Variants in VPS41 observed in about 807,000 individuals in gnomAD.
The protein encoded by VPS41 is vacuolar protein sorting-associated protein 41 homolog.
A neutral mutation model predicts 130.9 loss-of-function variants in VPS41; 85 were observed. The ratio of observed to expected loss-of-function variants is 0.65; its 90% CI spans 0.55 to 0.78. The LOEUF is 0.78. Ranked by LOEUF, VPS41 falls within the 30% of genes least tolerant of loss-of-function variation. The probability of loss-of-function intolerance (pLI) is 0.00; values close to 1 mark genes in which losing one functional copy is unlikely to be tolerated. For missense variants in VPS41, 874 were observed against 1,018.7 expected (o/e 0.86, Z 1.93); for synonymous variants, 335 against 332.9 (o/e 1.01, Z -0.07).
intron 9 of VPS41, among the ~76,000 whole-genome samples, chr7:38,794,175 G>T (rs1337268463): frequency 6.6e-6 from 1 of 152,092 alleles, no homozygotes; most frequent in Non-Finnish European, 1.5e-5. Context: ...CCATTTAAGG[G>T]ATTTTTAAAA....
At chr7:38,897,194 C>CAAAAAAA (rs60717646) in intron 2 of VPS41, among the ~76,000 whole-genome samples, 1 of 116,140 alleles carries the variant, frequency 8.6e-6, no homozygotes, top group Non-Finnish European at 1.7e-5. Flanking sequence ...AACTCTGTCT[C>CAAAAAAA]AAAAAAAAAA....
At chr7:38,764,366 C>A (rs1031096588) in intron 16 of VPS41, among the ~76,000 whole-genome samples, 1 of 151,974 alleles carries the variant, frequency 6.6e-6, no homozygotes, top group African/African-American at 2.4e-5. Flanking sequence ...CCCAGAGATG[C>A]GAGATGGCGT....
intron 7 of VPS41, among the ~76,000 whole-genome samples, chr7:38,809,784 CCA>C (rs2116057121): frequency 6.6e-6 from 1 of 152,256 alleles, no homozygotes; most frequent in Non-Finnish European, 1.5e-5. Context: ...AAAATGAACT[CCA>C]CTGCAAACAG....
Position 38,869,152 on chromosome 7 carries a change from A to T in VPS41, c.162T>A (p.His54Gln). The change falls in exon 3 of 29, where the codon CAT becomes CAA. Residue 54 changes from histidine (H) to glutamine (Q), a missense_variant. By Grantham distance (24) the His-to-Gln change is conservative. Transcript: ENST00000310301. ...QKDAASCMTV[H>Q]DKFLALGTHY... is the part of the protein sequence containing the mutation. ...TCTGAAAGTGCTATCTTACCTTGTC[A>T]TGGACTGTCATGCAGCTAGCTGCAT... is the stretch of plus-strand genomic sequence containing the variant. 1 of 1,580,460 alleles carries T rather than the reference A, an allele frequency of 6.3e-7. No homozygotes were observed. Among genetic ancestry groups the T allele is most frequent in the Admixed American group, 1.8e-5 (1 of 55,682 alleles).
At chr7:38,731,793 A>C (rs983692774) in intron 25 of VPS41, among the ~76,000 whole-genome samples, 25 of 148,260 alleles carry the variant, frequency 1.7e-4, no homozygotes, top group Admixed American at 6.8e-5. Context: ...TTAAAAAAAA[A>C]CTGAAAACAA....
intron 4 of VPS41, 24 bp downstream of exon 4, chr7:38,862,521 C>A: frequency 2.1e-6 from 3 of 1,415,146 alleles, no homozygotes; most frequent in African/African-American, 1.4e-5. Flanking sequence ...TTAGCTCATA[C>A]ATTATTTTAT....
intron 10 of VPS41, among the ~76,000 whole-genome samples, chr7:38,777,022 TAGC>T (rs1784272632): frequency 6.6e-6 from 1 of 152,186 alleles, no homozygotes. Context: ...CCAACAATAA[TAGC>T]AGCATGAATG....
intron 27 of VPS41, 129 bp downstream of exon 27, chr7:38,728,413 C>T: frequency 2.9e-6 from 3 of 1,040,728 alleles, no homozygotes; most frequent in Non-Finnish European, 4.5e-6. Flanking sequence ...GAAGCCACAA[C>T]ACTTCTCTCC....
At chr7:38,780,712 T>C (rs186953440) in intron 10 of VPS41, among the ~76,000 whole-genome samples, 16 of 152,300 alleles carry the variant, frequency 1.1e-4, no homozygotes, top group Admixed American at 5.9e-4. Context: ...AGCCACGTGC[T>C]ATAGCTTGGA....
At chr7:38,878,766 G>T (rs981221211) in intron 2 of VPS41, among the ~76,000 whole-genome samples, 1 of 152,140 alleles carries the variant, frequency 6.6e-6, no homozygotes, top group Non-Finnish European at 1.5e-5. Context: ...AAATACAAAG[G>T]TTTCTTTACC....
intron 18 of VPS41, among the ~76,000 whole-genome samples, 179 bp from the exon 19 acceptor site, chr7:38,757,161 T>C (rs576877425): frequency 6.6e-6 from 1 of 152,334 alleles, no homozygotes; most frequent in South Asian, 2.1e-4. Flanking sequence ...CCAATAAGTA[T>C]TTCTTTCTCA....
At chr7:38,875,397 TG>T (rs1786471568) in intron 2 of VPS41, among the ~76,000 whole-genome samples, 1 of 152,152 alleles carries the variant, frequency 6.6e-6, no homozygotes, top group Non-Finnish European at 1.5e-5. Flanking sequence ...AAGTTCAAAA[TG>T]AATCAAAAAG....
At chr7:38,797,065 A>G (rs1784635892) in intron 7 of VPS41, 2 of 582,196 alleles carry the variant, frequency 3.4e-6, no homozygotes, top group Non-Finnish European at 5.8e-6. Context: ...GAAGTTGTTT[A>G]AAATGGATGA....
intron 2 of VPS41, among the ~76,000 whole-genome samples, chr7:38,890,553 C>T (rs746974622): frequency 1.6e-4 from 25 of 152,134 alleles, no homozygotes; most frequent in South Asian, 4.1e-4. Flanking sequence ...GCATGTAATA[C>T]GGGTGAAATC....
chr7:38,903,881 C>A (rs533651928), intron 1 of VPS41, among the ~76,000 whole-genome samples: 2 of 152,280 alleles, frequency 1.3e-5, no homozygotes, highest in Admixed American at 6.5e-5. Flanking sequence ...CTGCACTCAT[C>A]TTATTCTGCA....
intron 1 of VPS41, among the ~76,000 whole-genome samples, chr7:38,906,008 C>A (rs1318680278): frequency 6.6e-6 from 1 of 151,942 alleles, no homozygotes; most frequent in Non-Finnish European, 1.5e-5. Context: ...GTTGGCCCGT[C>A]TGGTCTCGAA....
chr7:38,909,018 CA>C, intron 1 of VPS41, 135 bp downstream of exon 1: 13 of 1,089,044 alleles, frequency 1.2e-5, no homozygotes, highest in Admixed American at 1.8e-5. Context: ...TTCGCCATCC[CA>C]CCCCGCCCTG....
intron 1 of VPS41, among the ~76,000 whole-genome samples, chr7:38,901,841 T>G (rs2116452771): frequency 6.6e-6 from 1 of 152,276 alleles, no homozygotes; most frequent in Admixed American, 6.5e-5. Context: ...GAGACCAGTG[T>G]GGGCAACACA....
At chr7:38,767,698 C>T (rs1784075985) in intron 14 of VPS41, 100 bp from the exon 15 acceptor site, 5 of 709,474 alleles carry the variant, frequency 7.0e-6, no homozygotes, top group East Asian at 5.7e-5. Context: ...GTCCTATTAG[C>T]TCTACTGACT....
Sources: allele counts gnomAD v4.1 joint callset (sites outside exome capture counted in the v4.1 genomes callset), GRCh38; gene constraint gnomAD v4.1.1; transcripts MANE v1.5; gene names NCBI Gene and HGNC (gene_info 2026-07-23, HGNC 2026-07-21).